Variants in PTPN23 observed in about 807,000 individuals in gnomAD.
The protein encoded by PTPN23 is protein tyrosine phosphatase non-receptor type 23, also known as tyrosine-protein phosphatase non-receptor type 23.
A neutral mutation model predicts 156.3 loss-of-function variants in PTPN23; 72 were observed. The observed-to-expected ratio is 0.46, with a 90% CI of 0.38 to 0.56. PTPN23 has a LOEUF of 0.56. Among genes scored for constraint, PTPN23 ranks in the 20% least tolerant of loss-of-function variants. The pLI is 0.00. For synonymous variants in PTPN23, 957 were observed against 899.6 expected, an observed-to-expected ratio of 1.06 and a Z score of -1.14; for missense variants, 1,974 against 2,171.5, an observed-to-expected ratio of 0.91 and a Z score of 1.81.
At chr3:47,401,159 C>T (rs761157301) in intron 2 of PTPN23, among the ~76,000 whole-genome samples, 1 of 151,236 alleles carries the variant, frequency 6.6e-6, no homozygotes, top group Non-Finnish European at 1.5e-5. Context: ...CCTCGGCCTC[C>T]CAAACTGCTG....
In PTPN23 at chr3:47,407,544, T is replaced by C. The variant is rs944993353; in HGVS notation, c.963T>C (p.His321=). 2.5e-6 allele frequency: 4 copies of C among 1,613,882 alleles called. No individual in the cohort carries two copies. The African/African-American group carries it at 4.0e-5, about 16-fold the overall frequency. ...AGAAGGACAACGACTTCATTTACCA[T>C]GAGGCTGTCCCAGCATTGGACACTC... The part of the protein sequence containing the change: ...SAKKDNDFIY[H]EAVPALDTLQ... Residue 321 remains histidine, a synonymous_variant, in exon 12 of 25, where the codon CAT becomes CAC. Coordinates refer to ENST00000265562, the MANE Select transcript of PTPN23 (RefSeq NM_015466.4). The surrounding 1 kb of genome is among the most constrained non-coding windows in gnomAD (Gnocchi z 4.0).
chr3:47,391,584 A>T (rs1704773918), intron 1 of PTPN23, among the ~76,000 whole-genome samples: 1 of 152,174 alleles, frequency 6.6e-6, no homozygotes, highest in South Asian at 2.1e-4. Flanking sequence ...TTCAGATAGA[A>T]TGTGACCTCT....
In PTPN23 at chr3:47,409,251, G is replaced by A. The variant is rs779062143; in HGVS notation, c.1731G>A (p.Leu577=). Residue 577 remains leucine, a synonymous_variant, in exon 17 of 25, where the codon CTG becomes CTA. Coordinates refer to ENST00000265562, the MANE Select transcript of PTPN23 (RefSeq NM_015466.4). The stretch of plus-strand genomic sequence containing the variant: ...AGCGCGTGTCCCTGGAGCAGCAGCT[G>A]CGTGAGCTTATCCAGAAAGATGACA... ...RDQRVSLEQQ[L]RELIQKDDIT... The A allele has an allele frequency of 1.2e-6, 2 of 1,614,078 alleles. No homozygotes were observed. The highest frequency in any genetic ancestry group is 2.7e-5 in the African/African-American group (2 of 74,950).
chr3:47,389,525 C>T (rs1256419195), intron 1 of PTPN23, among the ~76,000 whole-genome samples: 1 of 152,126 alleles, frequency 6.6e-6, no homozygotes, highest in Non-Finnish European at 1.5e-5. Context: ...GAGGCCAAGG[C>T]GGGTGGATCA....
chr3:47,386,487 C>CT (rs1474170372), intron 1 of PTPN23, among the ~76,000 whole-genome samples: 8 of 151,868 alleles, frequency 5.3e-5, no homozygotes, highest in Non-Finnish European at 1.2e-4. Context: ...CTCTTGTTGC[C>CT]TTTTTTTTAC....
rs760743484 is a variant in PTPN23, at chr3:47,410,390, A to T, written c.2592A>T (p.Pro864=). The T allele has an allele frequency of 2.5e-6, 4 of 1,609,822 alleles. No individual in the cohort carries two copies. The highest frequency in any genetic ancestry group is 3.4e-6 in the Non-Finnish European group (4 of 1,178,720). Reference sequence around the variant, plus strand: ...CAGTTGCAGGTCTCCCCTCGGCCCCACCTCCTCAATTCTCAGGCCCCGAGT... The same window carrying T: ...CAGTTGCAGGTCTCCCCTCGGCCCCTCCTCCTCAATTCTCAGGCCCCGAGT... ...APPVAGLPSA[P]PPQFSGPELA... The change falls in exon 20 of 25, where the codon CCA becomes CCT. Residue 864 remains proline, a synonymous_variant. Transcript: ENST00000265562.
chr3:47,406,064 T>C lies in PTPN23; in HGVS notation c.546+18T>C, dbSNP rs766643903. ...TCATGCTGGTGAGGAGGCGCCCTGG[T>C]TGGAGTGGAGTTGAATCCAGGGAAG... On this transcript the variant is annotated intron_variant, in intron 6 of 24. Coordinates refer to ENST00000265562, the MANE Select transcript of PTPN23 (RefSeq NM_015466.4). This position sits in a 1 kb window ranked among gnomAD's most constrained non-coding sequence, Gnocchi z 5.8. 11 of 1,609,144 alleles carry C rather than the reference T, an allele frequency of 6.8e-6. No homozygotes were observed. In the East Asian group the frequency reaches 2.5e-4, roughly 36 times the overall value.
Position 47,413,040 on chromosome 3 carries a change from C to T in PTPN23, c.4766C>T (p.Ser1589Phe). Reference protein sequence around the residue: ...LLASLTPEAFSLDSSLRGKQR... With the variant: ...LLASLTPEAFFLDSSLRGKQR... ...GCCTCCTTGACCCCAGAGGCCTTCT[C>T]CCTGGACAGCTCCCTGCGGGGCAAA... The change falls in exon 25 of 25, where the codon TCC becomes TTC. Residue 1589 changes from serine (S) to phenylalanine (F), a missense_variant. Around this residue, in one of 4 missense-constraint regions of PTPN23, gnomAD observed 484 missense variants for 516.0 expected, o/e 0.94. Coordinates refer to ENST00000265562, the MANE Select transcript of PTPN23 (RefSeq NM_015466.4). The T allele has an allele frequency of 1.9e-6, 3 of 1,612,998 alleles. No individual in the cohort carries two copies. The highest frequency in any genetic ancestry group is 1.1e-5 in the South Asian group (1 of 91,088).
At chr3:47,399,088 G>T (rs553716545) in intron 2 of PTPN23, among the ~76,000 whole-genome samples, 32 of 152,360 alleles carry the variant, frequency 2.1e-4, no homozygotes, top group African/African-American at 7.5e-4. Context: ...GCTTACAGCC[G>T]TGGAGGGAGG....
At position 47,405,125 on chromosome 3, in the gene PTPN23, G is replaced by C. The variant is rs1705091699; in HGVS notation, c.364+44G>C. ...TCCCCCGGCCCTACTCCCCAGTCCTGCCAGCCTAGCTTTCAGCTCTTCAGA... is the reference window on the plus strand; with the variant it reads ...TCCCCCGGCCCTACTCCCCAGTCCTCCCAGCCTAGCTTTCAGCTCTTCAGA... On this transcript the variant is annotated intron_variant, in intron 4 of 24. Coordinates refer to ENST00000265562, the MANE Select transcript of PTPN23 (RefSeq NM_015466.4). This position sits in a 1 kb window ranked among gnomAD's most constrained non-coding sequence, Gnocchi z 4.7. 5 of 1,580,450 alleles carry C rather than the reference G, an allele frequency of 3.2e-6. No homozygotes were observed. Among genetic ancestry groups the C allele is most frequent in the Non-Finnish European group, 4.3e-6 (5 of 1,149,958 alleles).
chr3:47,384,207 G>A (rs1031824540), intron 1 of PTPN23, among the ~76,000 whole-genome samples: 3 of 151,678 alleles, frequency 2.0e-5, no homozygotes, highest in Non-Finnish European at 2.9e-5. Context: ...GGTGGCTCAC[G>A]CCTGTAATCC....
In PTPN23 at chr3:47,407,257, G is replaced by A. The variant is rs1705149673; in HGVS notation, c.865-52G>A. On this transcript the variant is annotated intron_variant, in intron 10 of 24. Coordinates refer to ENST00000265562, the MANE Select transcript of PTPN23 (RefSeq NM_015466.4). The surrounding 1 kb of genome is among the most constrained non-coding windows in gnomAD (Gnocchi z 4.0). ...CCCGGTAGGACTGAGGGGGTGTCCT[G>A]GTGCCAGCCTTGGTTAGTGCTAAGG... 3.1e-6 allele frequency: 5 copies of A among 1,613,536 alleles called. No individual in the cohort carries two copies. In the East Asian group the frequency reaches 1.1e-4, roughly 36 times the overall value.
Position 47,405,168 on chromosome 3 carries a change from G to A in PTPN23, c.364+87G>A. The A allele has an allele frequency of 4.0e-6, 5 of 1,254,762 alleles. No individual in the cohort carries two copies. Among genetic ancestry groups the A allele is most frequent in the Non-Finnish European group, 4.7e-6 (4 of 858,562 alleles). The allele number at this position is 1,254,762 out of a possible 1,614,324, so 77.7% of individuals were successfully genotyped here. ...TCTTCAGATGGCCACAAAGGCAGTG[G>A]GCTGATAAAGGGAGGACTCCAGGAT... On this transcript the variant is annotated intron_variant, in intron 4 of 24. Transcript: ENST00000265562. This position sits in a 1 kb window ranked among gnomAD's most constrained non-coding sequence, Gnocchi z 4.7.
At chr3:47,396,266 T>G (rs1380887512) in intron 2 of PTPN23, 49 bp downstream of exon 2, 2 of 1,503,682 alleles carry the variant, frequency 1.3e-6, no homozygotes, top group Non-Finnish European at 1.8e-6. Context: ...AGGATTGGTT[T>G]GATAGGGAGA....
intron 1 of PTPN23, among the ~76,000 whole-genome samples, chr3:47,391,537 C>T (rs150185715): frequency 6.6e-6 from 1 of 152,316 alleles, no homozygotes; most frequent in Non-Finnish European, 1.5e-5. Flanking sequence ...CTCAGTTAAG[C>T]ATCTGCTGCT....
intron 1 of PTPN23, among the ~76,000 whole-genome samples, chr3:47,386,347 A>G (rs1704651562): frequency 1.3e-5 from 2 of 151,858 alleles, no homozygotes; most frequent in African/African-American, 4.8e-5. Context: ...TGTATTTTTA[A>G]TAGAGATGGG....
chr3:47,409,157 CCA>C lies in PTPN23; in HGVS notation c.1643-3_1643-2del, dbSNP rs1175820577. The C allele has an allele frequency of 6.2e-7, 1 of 1,612,424 alleles. No homozygotes were observed. Among genetic ancestry groups the C allele is most frequent in the Admixed American group, 1.7e-5 (1 of 59,962 alleles). On this transcript the variant is annotated splice_polypyrimidine_tract_variant and splice_region_variant and intron_variant, in intron 16 of 24. Transcript: ENST00000265562. ...CTCTGGCCTCACTGACCACTGCTGCCCACAGAGGACAAGGCCGTGCTGCAAAA... is the reference window on the plus strand; with the variant it reads ...CTCTGGCCTCACTGACCACTGCTGCCCAGAGGACAAGGCCGTGCTGCAAAA...
Position 47,405,675 on chromosome 3 carries a change from A to G in PTPN23, c.365-74A>G, listed in dbSNP as rs951087172. ...TGTTGTCCTGATTGTGGATAACAGC[A>G]GTGCCCCCTCTGTCTCACCTTCACA... is the stretch of plus-strand genomic sequence containing the variant. On this transcript the variant is annotated intron_variant, in intron 4 of 24. Coordinates refer to ENST00000265562, the MANE Select transcript of PTPN23 (RefSeq NM_015466.4). The surrounding 1 kb of genome is among the most constrained non-coding windows in gnomAD (Gnocchi z 4.7). 15 of 1,443,216 alleles carry G rather than the reference A, an allele frequency of 1.0e-5. No individual in the cohort carries two copies. In the South Asian group the frequency reaches 1.7e-4, roughly 16 times the overall value. The allele number at this position is 1,443,216 out of a possible 1,614,324, so 89.4% of individuals were successfully genotyped here.
intron 2 of PTPN23, among the ~76,000 whole-genome samples, chr3:47,396,963 ACT>A (rs887598621): frequency 3.9e-5 from 6 of 151,940 alleles, no homozygotes; most frequent in African/African-American, 1.5e-4. Context: ...AAGATGTGTG[ACT>A]CTTCCTTTCA....
Sources: gnomAD v4.1 joint callset for allele counts (sites outside exome capture counted in the v4.1 genomes callset) on GRCh38, gnomAD v4.1.1 for gene constraint, gnomAD v4.1.1 regional missense constraint, Gnocchi (gnomAD v3.1) non-coding constraint, MANE v1.5 for transcripts, NCBI Gene and HGNC (gene_info 2026-07-23, HGNC 2026-07-21) for gene names.